SELENOM: variants seen among roughly 807,000 people sequenced by gnomAD.
SELENOM encodes selenoprotein SelM.
SELENOM carries 17 observed loss-of-function variants against 14.5 expected under a neutral mutation model. The observed-to-expected ratio is 1.17, with a 90% CI of 0.80 to 1.76. The LOEUF (loss-of-function observed/expected upper bound fraction) is 1.76, where lower values mean the gene tolerates loss of function less well. SELENOM is among the 40% of genes most tolerant of loss of function. SELENOM has a pLI of 0.00. For missense variants in SELENOM, 230 were observed against 204.6 expected, an observed-to-expected ratio of 1.12 and a Z score of -0.76; for synonymous variants, 102 against 93.3, an observed-to-expected ratio of 1.09 and a Z score of -0.54.
chr22:31,105,949 TGTCATCCCCCGCAG>T lies in SELENOM; in HGVS notation c.132_145del (p.Cys45AlafsTer32). The T allele has an allele frequency of 1.2e-6, 2 of 1,614,080 alleles. No individual in the cohort carries two copies. The highest frequency in any genetic ancestry group is 2.2e-5 in the South Asian group (2 of 91,084). On this transcript the variant is annotated frameshift_variant and splice_region_variant, in exon 2 of 5. Coordinates refer to ENST00000400299, the MANE Select transcript of SELENOM (RefSeq NM_080430.4). LOFTEE classifies it high-confidence loss of function. ...ACTCACCTCCTTTAGGCGGTTCAGC[TGTCATCCCCCGCAG>T]GTCTGGAGGGGGATAAAATGGGATA...
At chr22:31,106,023 C>T in intron 1 of SELENOM, 58 bp from the exon 2 acceptor site, 1 of 1,503,582 alleles carries the variant, frequency 6.7e-7, no homozygotes, top group African/African-American at 1.4e-5. Context: ...CCAGTCACAT[C>T]CCCAAAGCCA....
chr22:31,105,007 T>C lies in SELENOM; in HGVS notation c.401A>G (p.Lys134Arg). 1 of 1,603,332 alleles carries C rather than the reference T, an allele frequency of 6.2e-7. No homozygotes were observed. The highest frequency in any genetic ancestry group is 8.5e-7 in the Non-Finnish European group (1 of 1,176,864). Residue 134 changes from lysine to arginine, a missense_variant, in exon 5 of 5, where the codon AAG becomes AGG. Coordinates refer to ENST00000400299, the MANE Select transcript of SELENOM (RefSeq NM_080430.4). ...VPPEYVWAPA[K>R]PPEETSDHAD... The stretch of plus-strand genomic sequence containing the variant: ...GTGGTCCGAAGTTTCCTCTGGGGGC[T>C]TCGCGGGCGCCCACACGTACTCGGG...
chr22:31,107,526 T>G lies in SELENOM; in HGVS notation c.-21A>C. ...CTCATCGGGACCCGGCCGCAGATGA[T>G]GCGCAAGCTGGAGGCGAACCTCCGA... On this transcript the variant is annotated 5_prime_UTR_variant, in exon 1 of 5. Coordinates refer to ENST00000400299, the MANE Select transcript of SELENOM (RefSeq NM_080430.4). The G allele has an allele frequency of 1.3e-6, 2 of 1,524,800 alleles. No individual in the cohort carries two copies. Among genetic ancestry groups the G allele is most frequent in the Non-Finnish European group, 1.8e-6 (2 of 1,136,908 alleles). The allele number at this position is 1,524,800 out of a possible 1,614,324, so 94.5% of individuals were successfully genotyped here. A position where few individuals can be genotyped will look rare whatever the true frequency, so the allele number is the denominator to read the frequency against.
intron 1 of SELENOM, chr22:31,107,151 C>A (rs1402432586): frequency 3.7e-6 from 2 of 545,606 alleles, no homozygotes; most frequent in Non-Finnish European, 6.4e-6. Context: ...GTAGGGGGAG[C>A]TGGGGAAGGG....
In SELENOM at chr22:31,107,338, G is replaced by C. The variant is rs765590564; in HGVS notation, c.129+39C>G. The C allele has an allele frequency of 2.2e-5, 35 of 1,573,818 alleles. 1 individual carries two copies. The highest frequency in any genetic ancestry group is 1.8e-4 in the Middle Eastern group (1 of 5,434). On this transcript the variant is annotated intron_variant, in intron 1 of 4. Coordinates refer to ENST00000400299, the MANE Select transcript of SELENOM (RefSeq NM_080430.4). ...GTGCTCCCATGGGGCCGCAGGGTTG[G>C]GGAACGATAGTGCCGGGGCTGGAGG...
At position 31,105,681 on chromosome 22, in the gene SELENOM, G is replaced by A. The variant is rs1442390432; in HGVS notation, c.177C>T (p.Phe59=). The change falls in exon 3 of 5, where the codon TTC becomes TTT. Residue 59 remains phenylalanine, a synonymous_variant. Transcript: ENST00000400299. Reference sequence around the variant, plus strand: ...ACTAGAATGGAATGTCCTGCGTGACGAAAGCCTTCACCTGGGGAGGAACCA... The same window carrying A: ...ACTAGAATGGAATGTCCTGCGTGACAAAAGCCTTCACCTGGGGAGGAACCA... The part of the protein sequence containing the change: ...QLNRLKEVKA[F]VTQDIPFYHN... The A allele has an allele frequency of 1.2e-6, 2 of 1,613,936 alleles. No homozygotes were observed. Among genetic ancestry groups the A allele is most frequent in the East Asian group, 2.2e-5 (1 of 44,900 alleles).
chr22:31,107,416 G>A lies in SELENOM; in HGVS notation c.90C>T (p.Asp30=), dbSNP rs1177296631. The A allele has an allele frequency of 6.3e-7, 1 of 1,590,464 alleles. No homozygotes were observed. ...GGGTTAGGCCGCTCAGACGGTTCCA[G>A]TCCGGCCGGTAGGCAGTGGCGGCTG... ...PATAATAYRP[D]WNRLSGLTRA... Residue 30 remains aspartate (D), a synonymous_variant, in exon 1 of 5, where the codon GAC becomes GAT. Coordinates refer to ENST00000400299, the MANE Select transcript of SELENOM (RefSeq NM_080430.4).
At position 31,104,953 on chromosome 22, in the gene SELENOM, C is replaced by T. The variant is rs930267732; in HGVS notation, c.*17G>A. The T allele has an allele frequency of 7.8e-6, 12 of 1,542,208 alleles. No homozygotes were observed. Among genetic ancestry groups the T allele is most frequent in the African/African-American group, 1.4e-5 (1 of 71,878 alleles). ...GGACTCAGGCAGGTAGGTCCCAGCTCCGCCGCGCCCCCGGACCTACAGGTC... is the reference window on the plus strand; with the variant it reads ...GGACTCAGGCAGGTAGGTCCCAGCTTCGCCGCGCCCCCGGACCTACAGGTC... On this transcript the variant is annotated 3_prime_UTR_variant, in exon 5 of 5. Transcript: ENST00000400299.
chr22:31,107,355 G>T, intron 1 of SELENOM, 22 bp downstream of exon 1: 1 of 1,586,936 alleles, frequency 6.3e-7, no homozygotes, highest in Non-Finnish European at 8.6e-7. Context: ...ATAGTGCCGG[G>T]GCTGGAGGCC....
intron 2 of SELENOM, 102 bp downstream of exon 2, chr22:31,105,828 G>T: frequency 1.3e-6 from 2 of 1,488,388 alleles, no homozygotes; most frequent in East Asian, 2.3e-5. Context: ...TCTCAGCCTA[G>T]GGATCCTTCC....
At chr22:31,106,058 C>T (rs2044401824) in intron 1 of SELENOM, 93 bp from the exon 2 acceptor site, 3 of 1,235,048 alleles carry the variant, frequency 2.4e-6, no homozygotes, top group Middle Eastern at 3.7e-4. Context: ...TGAGTTGGGT[C>T]GGGCTGTGAG....
chr22:31,105,867 T>C (rs375349301), intron 2 of SELENOM, 63 bp downstream of exon 2: 39 of 1,546,362 alleles, frequency 2.5e-5, no homozygotes, highest in Non-Finnish European at 3.1e-5. Flanking sequence ...ATTGGGACCA[T>C]GTTGCCCACT....
At chr22:31,105,584 AC>A in intron 3 of SELENOM, 73 bp downstream of exon 3, 1 of 1,452,372 alleles carries the variant, frequency 6.9e-7, no homozygotes, top group Non-Finnish European at 9.7e-7. Context: ...ACCATCTGCC[AC>A]CCCTTTCTGA....
intron 3 of SELENOM, 35 bp from the exon 4 acceptor site, chr22:31,105,321 G>A: frequency 6.3e-7 from 1 of 1,578,228 alleles, no homozygotes; most frequent in South Asian, 1.1e-5. Context: ...GTGGTGGGCA[G>A]AGGGAGGTGG....
chr22:31,107,552 G>C lies in SELENOM; in HGVS notation c.-47C>G. ...GCGCAAGCTGGAGGCGAACCTCCGA[G>C]TCGCTGCGCCACGTCTGGGCCCCCA... On this transcript the variant is annotated 5_prime_UTR_variant, in exon 1 of 5. Coordinates refer to ENST00000400299, the MANE Select transcript of SELENOM (RefSeq NM_080430.4). The C allele has an allele frequency of 6.7e-7, 1 of 1,483,510 alleles. No individual in the cohort carries two copies. Among genetic ancestry groups the C allele is most frequent in the African/African-American group, 1.4e-5 (1 of 69,414 alleles). The allele number at this position is 1,483,510 out of a possible 1,614,324, so 91.9% of individuals were successfully genotyped here. A position where few individuals can be genotyped will look rare whatever the true frequency, so the allele number is the denominator to read the frequency against.
Position 31,107,520 on chromosome 22 carries a change from A to T in SELENOM, c.-15T>A. On this transcript the variant is annotated 5_prime_UTR_variant, in exon 1 of 5. Coordinates refer to ENST00000400299, the MANE Select transcript of SELENOM (RefSeq NM_080430.4). ...AGGAGGCTCATCGGGACCCGGCCGC[A>T]GATGATGCGCAAGCTGGAGGCGAAC... 1 of 1,531,386 alleles carries T rather than the reference A, an allele frequency of 6.5e-7. No homozygotes were observed. Among genetic ancestry groups the T allele is most frequent in the African/African-American group, 1.4e-5 (1 of 71,788 alleles). The allele number at this position is 1,531,386 out of a possible 1,614,324, so 94.9% of individuals were successfully genotyped here. A position where few individuals can be genotyped will look rare whatever the true frequency, so the allele number is the denominator to read the frequency against.
chr22:31,105,381 AG>A, intron 3 of SELENOM, 95 bp from the exon 4 acceptor site: 1 of 1,303,732 alleles, frequency 7.7e-7, no homozygotes, highest in Non-Finnish European at 1.1e-6. Context: ...CTTTGCTCAG[AG>A]CTTACTCTGT....
At chr22:31,105,635 C>T (rs1346290073) in intron 3 of SELENOM, 23 bp downstream of exon 3, 7 of 1,613,090 alleles carry the variant, frequency 4.3e-6, no homozygotes, top group Non-Finnish European at 5.1e-6. Flanking sequence ...TCCCATTTCC[C>T]CTCCCCCAGA....
chr22:31,107,204 G>C, intron 1 of SELENOM, 173 bp downstream of exon 1: 1 of 798,864 alleles, frequency 1.3e-6, no homozygotes, highest in Non-Finnish European at 1.9e-6. Context: ...AGGCTTCCAC[G>C]GTGGATGCTG....
Sources: allele counts gnomAD v4.1 joint callset, GRCh38; gene constraint gnomAD v4.1.1; transcripts MANE v1.5; gene names NCBI Gene and HGNC (gene_info 2026-07-23, HGNC 2026-07-21).